Variants in MFHAS1 observed in about 807,000 individuals in gnomAD.
The protein encoded by MFHAS1 is multifunctional ROCO family signaling regulator 1, also known as malignant fibrous histiocytoma-amplified sequence 1.
In MFHAS1, 50 loss-of-function variants were observed where a neutral mutation model predicts 70.4. That is an observed-to-expected ratio of 0.71 (90% CI 0.57 to 0.90). The LOEUF (loss-of-function observed/expected upper bound fraction) is 0.90, where lower values mean the gene tolerates loss of function less well. Ranked by LOEUF, MFHAS1 falls within the 40% of genes least tolerant of loss-of-function variation. The pLI is 0.00. For synonymous variants in MFHAS1, 952 were observed against 620.0 expected (o/e 1.54, Z -7.96); for missense variants, 1,795 against 1,347.6 (o/e 1.33, Z -5.20).
intron 1 of MFHAS1, among the ~76,000 whole-genome samples, chr8:8,836,879 C>T (rs548678744): frequency 6.6e-6 from 1 of 152,288 alleles, no homozygotes; most frequent in Non-Finnish European, 1.5e-5. Flanking sequence ...CTTCTTTCCT[C>T]TTTTTGTTCC....
At chr8:8,834,050 C>T (rs1410350509) in intron 1 of MFHAS1, among the ~76,000 whole-genome samples, 2 of 151,842 alleles carry the variant, frequency 1.3e-5, no homozygotes, top group East Asian at 3.9e-4. Flanking sequence ...CGCTTGAACC[C>T]GGGAGGCGGA....
At chr8:8,882,417 A>G (rs1029144511) in intron 1 of MFHAS1, among the ~76,000 whole-genome samples, 3 of 150,566 alleles carry the variant, frequency 2.0e-5, no homozygotes, top group Non-Finnish European at 4.4e-5. Flanking sequence ...AACAAACAAA[A>G]TATCATAAAC....
chr8:8,796,346 G>A (rs1805893328), intron 2 of MFHAS1, among the ~76,000 whole-genome samples: 1 of 152,184 alleles, frequency 6.6e-6, no homozygotes, highest in South Asian at 2.1e-4. Context: ...GAATGGGCCT[G>A]CGCTGGTTTT....
At chr8:8,865,524 C>A (rs111563603) in intron 1 of MFHAS1, among the ~76,000 whole-genome samples, 3 of 152,218 alleles carry the variant, frequency 2.0e-5, no homozygotes, top group African/African-American at 7.2e-5. Flanking sequence ...GGACCCCTCC[C>A]AGGACAGCCC....
chr8:8,840,337 G>A (rs1410556669), intron 1 of MFHAS1, among the ~76,000 whole-genome samples: 8 of 151,898 alleles, frequency 5.3e-5, no homozygotes, highest in Non-Finnish European at 1.0e-4. Flanking sequence ...CACACCTGTC[G>A]TCCCAGCTAC....
intron 1 of MFHAS1, among the ~76,000 whole-genome samples, chr8:8,850,764 A>T (rs1808215259): frequency 6.8e-6 from 1 of 146,442 alleles, no homozygotes; most frequent in African/African-American, 2.5e-5. Flanking sequence ...GGCGAAGGTT[A>T]CAGTGAGTGG....
chr8:8,811,160 C>T (rs554575690), intron 1 of MFHAS1, among the ~76,000 whole-genome samples: 3 of 152,116 alleles, frequency 2.0e-5, no homozygotes, highest in South Asian at 2.1e-4. Flanking sequence ...AAGTGTCATC[C>T]GCAGAATAAA....
At chr8:8,814,743 G>T (rs1011319323) in intron 1 of MFHAS1, among the ~76,000 whole-genome samples, 2 of 151,966 alleles carry the variant, frequency 1.3e-5, no homozygotes, top group African/African-American at 2.4e-5. Context: ...ACCAAAGAAG[G>T]TAAACCGATG....
rs369660366 is a variant in MFHAS1, at chr8:8,891,159, G to C, written c.1900C>G (p.His634Asp). 2.5e-6 allele frequency: 4 copies of C among 1,613,560 alleles called. No individual in the cohort carries two copies. In the African/African-American group the frequency reaches 5.3e-5, roughly 21 times the overall value. ...VLPVSCRDPR[H>D]LRRLRDKLLS... Reference sequence around the variant, plus strand: ...AACTTGTCCCGAAGGCGTCGTAAGTGGCGCGGGTCCCTGCAGCTAACAGGC... The same window carrying C: ...AACTTGTCCCGAAGGCGTCGTAAGTCGCGCGGGTCCCTGCAGCTAACAGGC... The change falls in exon 1 of 3, where the codon CAC becomes GAC. Residue 634 changes from histidine (H) to aspartate (D), a missense_variant. By Grantham distance (81) the His-to-Asp change is moderately conservative (BLOSUM62 -1). Transcript: ENST00000276282. The surrounding 1 kb of genome is among the most constrained non-coding windows in gnomAD (Gnocchi z 5.4).
At position 8,848,820 on chromosome 8, in the gene MFHAS1, C is replaced by T. The variant is rs149265596; in HGVS notation, c.2998+41241G>A. On this transcript the variant is annotated intron_variant, in intron 1 of 2. Transcript: ENST00000276282. ...CAAATGAATTAAATAGCCACAGAAC[C>T]AATTTAATCAAACAGTGCGAAGTCG... is the stretch of plus-strand genomic sequence containing the variant. Among the ~76,000 whole-genome samples, 80 of 152,274 alleles carry T rather than the reference C, an allele frequency of 5.3e-4. 1 individual carries two copies. The East Asian group carries it at 0.014, about 26-fold the overall frequency.
chr8:8,885,603 T>C (rs551667519), intron 1 of MFHAS1, among the ~76,000 whole-genome samples: 3 of 152,234 alleles, frequency 2.0e-5, no homozygotes, highest in African/African-American at 7.2e-5. Context: ...CTAAGACAAG[T>C]ATACAGGACC....
chr8:8,863,970 T>C (rs1808762098), intron 1 of MFHAS1, among the ~76,000 whole-genome samples: 1 of 152,234 alleles, frequency 6.6e-6, no homozygotes. Context: ...GCTGCCTCAG[T>C]GACCACCAGC....
Position 8,833,898 on chromosome 8 carries a change from G to A in MFHAS1, c.2999-36407C>T, listed in dbSNP as rs976256311. ...GCCTACACTTTGGGAAGCTGAGGTG[G>A]GCGGATCACCTGAGGACAGGAGTTC... is the stretch of plus-strand genomic sequence containing the variant. On this transcript the variant is annotated intron_variant, in intron 1 of 2. Transcript: ENST00000276282. Among the ~76,000 whole-genome samples the A allele has an allele frequency of 2.6e-5, 4 of 152,142 alleles. No individual in the cohort carries two copies. In the South Asian group the frequency reaches 8.3e-4, roughly 32 times the overall value.
rs141278509 is a variant in MFHAS1 at position 8,892,735 on chromosome 8, C to T, written c.324G>A (p.Glu108=). 12,492 of 1,572,898 alleles carry T rather than the reference C, an allele frequency of 7.9e-3. 62 individuals carry two copies. The highest frequency in any genetic ancestry group is 9.4e-3 in the Non-Finnish European group (10,893 of 1,161,614). The change falls in exon 1 of 3, where the codon GAG becomes GAA. Residue 108 remains glutamate (E), a synonymous_variant. Transcript: ENST00000276282. The surrounding 1 kb of genome is among the most constrained non-coding windows in gnomAD (Gnocchi z 4.7). ...RFARLPPAVA[E]LGHHLTELDV... ...CCAGCTCGGTGAGGTGGTGGCCGAG[C>T]TCGGCCACCGCCGGGGGCAGCCGGG...
At chr8:8,795,244 C>A (rs1451196087) in intron 2 of MFHAS1, among the ~76,000 whole-genome samples, 14 of 152,014 alleles carry the variant, frequency 9.2e-5, no homozygotes, top group Non-Finnish European at 5.9e-5. Context: ...CATATAATAT[C>A]CCCTTATCCA....
intron 1 of MFHAS1, among the ~76,000 whole-genome samples, chr8:8,835,117 G>C (rs1807550102): frequency 6.6e-6 from 1 of 152,154 alleles, no homozygotes; most frequent in African/African-American, 2.4e-5. Context: ...AATTCCCATG[G>C]ACAGAAAGCA....
At chr8:8,838,525 T>C (rs1315249757) in intron 1 of MFHAS1, among the ~76,000 whole-genome samples, 1 of 152,162 alleles carries the variant, frequency 6.6e-6, no homozygotes, top group Non-Finnish European at 1.5e-5. Context: ...TAAAATTCCA[T>C]ATATCAGCTG....
chr8:8,823,618 G>A (rs1807046230), intron 1 of MFHAS1, among the ~76,000 whole-genome samples: 1 of 151,524 alleles, frequency 6.6e-6, no homozygotes, highest in African/African-American at 2.4e-5. Flanking sequence ...GCATGAAGTA[G>A]AACAATCGCC....
intron 2 of MFHAS1, among the ~76,000 whole-genome samples, chr8:8,795,988 G>A (rs1805878909): frequency 6.6e-6 from 1 of 152,206 alleles, no homozygotes; most frequent in Non-Finnish European, 1.5e-5. Context: ...CCCAGATCAT[G>A]AGATCTGACC....
Sources: allele counts gnomAD v4.1 joint callset (sites outside exome capture counted in the v4.1 genomes callset), GRCh38; gene constraint gnomAD v4.1.1; non-coding constraint Gnocchi (gnomAD v3.1); transcripts MANE v1.5; gene names NCBI Gene and HGNC (gene_info 2026-07-23, HGNC 2026-07-21).